The following DLG2 variants were observed in gnomAD, a reference collection of about 807,000 sequenced individuals.
DLG2 encodes discs large MAGUK scaffold protein 2.
In DLG2, 45 loss-of-function variants were observed where a neutral mutation model predicts 132.5. That is an observed-to-expected ratio of 0.34 (90% confidence interval 0.27 to 0.44). DLG2 has a LOEUF of 0.44. Ranked by LOEUF, DLG2 falls within the 20% of genes least tolerant of loss-of-function variation. The pLI is 1.00. For synonymous variants in DLG2, 424 were observed against 419.6 expected (o/e 1.01, Z -0.13); for missense variants, 1,045 against 1,196.9 (o/e 0.87, Z 1.87).
At chr11:84,810,290 G>C (rs1222110215) in intron 6 of DLG2, among the ~76,000 whole-genome samples, 3 of 152,054 alleles carry the variant, frequency 2.0e-5, no homozygotes, top group Non-Finnish European at 4.4e-5. Context: ...TTGGAAATTA[G>C]GTGAAGATAG....
chr11:83,810,824 T>C (rs531458410), intron 17 of DLG2, among the ~76,000 whole-genome samples: 7 of 152,232 alleles, frequency 4.6e-5, no homozygotes, highest in African/African-American at 1.7e-4. Context: ...CCATGTCCCA[T>C]GGATTCAAAG....
At chr11:83,830,914 T>C (rs2054307035) in intron 17 of DLG2, among the ~76,000 whole-genome samples, 1 of 152,184 alleles carries the variant, frequency 6.6e-6, no homozygotes, top group Non-Finnish European at 1.5e-5. Context: ...GAATGCTGAT[T>C]GTAATGAAAT....
At chr11:83,925,646 T>A (rs987735007) in intron 15 of DLG2, among the ~76,000 whole-genome samples, 2 of 152,074 alleles carry the variant, frequency 1.3e-5, no homozygotes, top group Non-Finnish European at 2.9e-5. Context: ...TATGACGATA[T>A]AGTGCTTCAC....
rs1415869295 is a variant in DLG2 at position 85,285,252 on chromosome 11, G to C, written c.154C>G (p.Pro52Ala). 4.3e-6 allele frequency: 7 copies of C among 1,611,644 alleles called. No homozygotes were observed. Among genetic ancestry groups the C allele is most frequent in the Non-Finnish European group, 5.9e-6 (7 of 1,178,508 alleles). ...GATTTTTGAAGTCTGTCATGGCACGGAGCAAGAAGGGATGTCTTCTCCCAT... is the reference window on the plus strand; with the variant it reads ...GATTTTTGAAGTCTGTCATGGCACGCAGCAAGAAGGGATGTCTTCTCCCAT... ...QKWEKTSLLA[P>A]CHDRLQKSSE... is the part of the protein sequence containing the mutation. Residue 52 changes from proline (P) to alanine (A), a missense_variant, in exon 4 of 28, where the codon CCG (proline) becomes GCG (alanine). Coordinates refer to ENST00000376104, the MANE Select transcript of DLG2 (RefSeq NM_001142699.3).
chr11:84,714,583 TTCTCTTTCTC>T (rs1565748848), intron 6 of DLG2, among the ~76,000 whole-genome samples: 2 of 127,102 alleles, frequency 1.6e-5, no homozygotes, highest in Non-Finnish European at 3.3e-5. Context: ...CTCTTTCTCT[TTCTCTTTCTC>T]TTTCTTTCTC....
At chr11:84,949,175 A>G (rs963872040) in intron 6 of DLG2, among the ~76,000 whole-genome samples, 15 of 152,162 alleles carry the variant, frequency 9.9e-5, no homozygotes, top group Non-Finnish European at 1.8e-4. Flanking sequence ...AGGATCCGTG[A>G]TGGCCCACAA....
chr11:84,371,791 C>T (rs1219839597), intron 7 of DLG2, among the ~76,000 whole-genome samples: 2 of 152,046 alleles, frequency 1.3e-5, no homozygotes, highest in Admixed American at 6.6e-5. Flanking sequence ...TGTAAACGTA[C>T]TTTAAATTTC....
intron 6 of DLG2, among the ~76,000 whole-genome samples, chr11:84,801,389 G>A (rs2075356938): frequency 6.6e-6 from 1 of 152,144 alleles, no homozygotes; most frequent in Admixed American, 6.5e-5. Context: ...CTAACACTGT[G>A]AAACCCCGTC....
At chr11:84,971,524 C>T (rs1592035188) in intron 6 of DLG2, among the ~76,000 whole-genome samples, 3 of 152,110 alleles carry the variant, frequency 2.0e-5, no homozygotes, top group East Asian at 1.9e-4. Flanking sequence ...AAAATGAGTC[C>T]TTTTCCTCTC....
intron 4 of DLG2, among the ~76,000 whole-genome samples, chr11:85,178,054 A>G (rs1417619345): frequency 6.6e-6 from 1 of 152,110 alleles, no homozygotes; most frequent in Middle Eastern, 3.2e-3. Flanking sequence ...ACTAAATGCA[A>G]TGTATAACAC....
chr11:84,414,428 C>T, intron 7 of DLG2, among the ~76,000 whole-genome samples: 1 of 152,114 alleles, frequency 6.6e-6, no homozygotes, highest in Admixed American at 6.5e-5. Context: ...GGCTTATCTC[C>T]TATTTTTGTG....
intron 11 of DLG2, among the ~76,000 whole-genome samples, chr11:84,017,454 T>A (rs562392956): frequency 1.3e-5 from 2 of 152,174 alleles, no homozygotes; most frequent in Admixed American, 6.6e-5. Flanking sequence ...AAATTGTTAT[T>A]CTGAGATCAA....
At chr11:85,010,937 T>A (rs892585261) in intron 6 of DLG2, among the ~76,000 whole-genome samples, 2 of 152,278 alleles carry the variant, frequency 1.3e-5, no homozygotes, top group Admixed American at 6.5e-5. Flanking sequence ...AAACTTAGTT[T>A]TAGAATTATA....
intron 22 of DLG2, 51 bp downstream of exon 22, chr11:83,484,078 A>AT (rs770669958): frequency 1.3e-5 from 19 of 1,501,804 alleles, no homozygotes; most frequent in Non-Finnish European, 1.6e-5. Flanking sequence ...TTGCCTGTGA[A>AT]TTTTTTTTCT....
intron 8 of DLG2, among the ~76,000 whole-genome samples, chr11:84,207,059 ATC>A (rs35772503): frequency 0.062 from 8,974 of 145,504 alleles, 357 homozygotes; most frequent in Admixed American, 0.12. Context: ...ATAAGAATAA[ATC>A]TCTCTCTCTC....
chr11:85,249,434 T>A (rs953652771), intron 4 of DLG2, among the ~76,000 whole-genome samples: 2 of 151,696 alleles, frequency 1.3e-5, no homozygotes, highest in Non-Finnish European at 2.9e-5. Context: ...ATATATATAT[T>A]AAATACATAT....
At chr11:84,745,866 C>A (rs116970060) in intron 6 of DLG2, among the ~76,000 whole-genome samples, 1 of 152,234 alleles carries the variant, frequency 6.6e-6, no homozygotes, top group East Asian at 1.9e-4. Context: ...AATAAATATT[C>A]CCATTCAAAA....
intron 6 of DLG2, among the ~76,000 whole-genome samples, chr11:84,906,560 C>G (rs912277226): frequency 1.3e-5 from 2 of 151,978 alleles, no homozygotes; most frequent in Non-Finnish European, 2.9e-5. Context: ...AACAAAAAAG[C>G]TTGCCTCCTT....
intron 14 of DLG2, among the ~76,000 whole-genome samples, chr11:83,932,258 G>A (rs1377613337): frequency 6.8e-6 from 1 of 148,148 alleles, no homozygotes; most frequent in Non-Finnish European, 1.5e-5. Flanking sequence ...TTTTTTAGAC[G>A]TAATCTCACT....
Sources: allele counts gnomAD v4.1 joint callset (sites outside exome capture counted in the v4.1 genomes callset), GRCh38; gene constraint gnomAD v4.1.1; transcripts MANE v1.5; gene names NCBI Gene and HGNC (gene_info 2026-07-23, HGNC 2026-07-21).